Variants in BBX observed in about 807,000 individuals in gnomAD.
BBX encodes BBX high mobility group box domain containing.
Under a neutral mutation model 100.2 loss-of-function variants are expected in BBX, and 30 were observed. The ratio of observed to expected loss-of-function variants is 0.30; its 90% confidence interval spans 0.22 to 0.41. The LOEUF is 0.41. BBX is among the 10% of genes least tolerant of loss of function. The pLI, the probability that BBX is intolerant of heterozygous loss-of-function variation, is 1.00. For synonymous variants in BBX, 376 were observed against 388.1 expected, an observed-to-expected ratio of 0.97 and a Z score of 0.37; for missense variants, 1,023 against 1,129.8, an observed-to-expected ratio of 0.91 and a Z score of 1.35.
chr3:107,704,275 T>TTA (rs2061258734), intron 3 of BBX, among the ~76,000 whole-genome samples: 1 of 152,204 alleles, frequency 6.6e-6, no homozygotes, highest in African/African-American at 2.4e-5. Context: ...TCATATGTGG[T>TTA]TAAGTGTTAG....
chr3:107,654,256 A>G lies in BBX; in HGVS notation c.-10+8347A>G, dbSNP rs566014541. 4.5e-4 allele frequency among the ~76,000 whole-genome samples: 68 copies of G among 152,262 alleles called. 1 individual carries two copies. The highest frequency in any genetic ancestry group is 1.3e-3 in the African/African-American group (56 of 41,556). On this transcript the variant is annotated intron_variant, in intron 3 of 17. Transcript: ENST00000325805. ...ATAAATCATAAAGTTTTCAGGTTTG[A>G]AAGTTTAGTTCCTGTTAAAATGCTG...
intron 2 of BBX, among the ~76,000 whole-genome samples, chr3:107,587,410 T>G (rs916639333): frequency 3.9e-5 from 6 of 152,118 alleles, no homozygotes; most frequent in Non-Finnish European, 7.3e-5. Context: ...AGTTACATAT[T>G]GGAATGATTT....
rs1323116298 is a variant in BBX at position 107,748,027 on chromosome 3, T to A, written c.813T>A (p.Phe271Leu). ...AGCAGTGTCAAACATCTGCCTTGTT[T>A]CAGTTTGCAGAGGTATGGCCTTTTT... ...STKQCQTSAL[F>L]QFAEISSNTS... Residue 271 changes from phenylalanine (F) to leucine (L), a missense_variant, in exon 9 of 18, where the codon TTT becomes TTA. By Grantham distance (22) the Phe-to-Leu change is conservative. Around this residue, in one of 9 missense-constraint regions of BBX, gnomAD observed 95 missense variants for 95.1 expected, o/e 1.00. Transcript: ENST00000325805. 2 of 1,613,430 alleles carry A rather than the reference T, an allele frequency of 1.2e-6. No homozygotes were observed. Among genetic ancestry groups the A allele is most frequent in the African/African-American group, 2.7e-5 (2 of 74,918 alleles).
intron 2 of BBX, among the ~76,000 whole-genome samples, chr3:107,560,611 C>A (rs1465659989): frequency 6.6e-6 from 1 of 152,148 alleles, no homozygotes; most frequent in Non-Finnish European, 1.5e-5. Context: ...CTGAATCCAG[C>A]TGTTTGTGGT....
chr3:107,543,245 G>C (rs2048989651), intron 2 of BBX, among the ~76,000 whole-genome samples: 1 of 152,174 alleles, frequency 6.6e-6, no homozygotes, highest in South Asian at 2.1e-4. Context: ...GGAAGGCCTA[G>C]ATTAAGAAAC....
chr3:107,617,537 C>A (rs2055388476), intron 2 of BBX, among the ~76,000 whole-genome samples: 2 of 151,996 alleles, frequency 1.3e-5, no homozygotes, highest in Non-Finnish European at 2.9e-5. Flanking sequence ...ACTGAGATCT[C>A]CCTTGATTTT....
chr3:107,769,231 CAGATAGATAGGAT>C (rs1373748075), intron 10 of BBX, among the ~76,000 whole-genome samples: 143 of 98,482 alleles, frequency 1.5e-3, no homozygotes, highest in African/African-American at 4.8e-3. Flanking sequence ...GATAGATAGA[CAGATAGATAGGAT>C]AGATAGATAA....
intron 13 of BBX, among the ~76,000 whole-genome samples, chr3:107,785,652 A>G (rs538844041): frequency 9.9e-5 from 15 of 152,160 alleles, no homozygotes; most frequent in African/African-American, 3.6e-4. Context: ...AAATTACTCA[A>G]CAAACTAGAG....
intron 2 of BBX, among the ~76,000 whole-genome samples, chr3:107,638,255 A>G (rs2056969876): frequency 6.6e-6 from 1 of 151,868 alleles, no homozygotes; most frequent in Non-Finnish European, 1.5e-5. Flanking sequence ...TCTTCTCAGT[A>G]TGTTGCCCAG....
At chr3:107,789,531 C>T (rs1047103305) in intron 13 of BBX, among the ~76,000 whole-genome samples, 1 of 152,170 alleles carries the variant, frequency 6.6e-6, no homozygotes. Flanking sequence ...ACTGTATCTG[C>T]AGTTTCTGCT....
At chr3:107,694,830 T>C (rs1310047363) in intron 3 of BBX, among the ~76,000 whole-genome samples, 3 of 151,862 alleles carry the variant, frequency 2.0e-5, no homozygotes, top group African/African-American at 4.9e-5. Context: ...GGTCCTGGAC[T>C]CTTTTTGGTT....
intron 4 of BBX, among the ~76,000 whole-genome samples, chr3:107,715,728 C>CT (rs1268197856): frequency 1.3e-5 from 2 of 152,228 alleles, no homozygotes; most frequent in African/African-American, 4.8e-5. Context: ...AACGGGAAGA[C>CT]TAGGCGTAGG....
chr3:107,736,323 A>T (rs912468579), intron 7 of BBX, among the ~76,000 whole-genome samples: 7 of 152,124 alleles, frequency 4.6e-5, no homozygotes, highest in Non-Finnish European at 1.0e-4. Flanking sequence ...TTTAATCAGT[A>T]AAATGTAAGT....
chr3:107,701,420 T>C (rs888412943), intron 3 of BBX, among the ~76,000 whole-genome samples: 4 of 152,136 alleles, frequency 2.6e-5, no homozygotes, highest in Non-Finnish European at 4.4e-5. Context: ...TCGCCTAGAG[T>C]TGTATTAAGG....
chr3:107,778,261 A>G, intron 12 of BBX, 110 bp from the exon 13 acceptor site: 2 of 1,336,760 alleles, frequency 1.5e-6, no homozygotes, highest in Admixed American at 2.0e-5. Context: ...TTACTTACCT[A>G]ATTCCCAGAG....
At chr3:107,589,800 A>G (rs904589279) in intron 2 of BBX, among the ~76,000 whole-genome samples, 3 of 152,236 alleles carry the variant, frequency 2.0e-5, no homozygotes, top group African/African-American at 7.2e-5. Flanking sequence ...TCTTAATCAC[A>G]GAAAAGTCAC....
intron 3 of BBX, among the ~76,000 whole-genome samples, chr3:107,708,953 A>G (rs1433831314): frequency 2.0e-5 from 3 of 152,190 alleles, no homozygotes; most frequent in East Asian, 1.9e-4. Flanking sequence ...GTAGAATGAT[A>G]TAGTCCCTAA....
chr3:107,714,535 T>C (rs1195023675), intron 4 of BBX, among the ~76,000 whole-genome samples: 5 of 152,228 alleles, frequency 3.3e-5, no homozygotes, highest in African/African-American at 1.2e-4. Context: ...CTTCATCTTA[T>C]ATATTAATAG....
chr3:107,626,898 G>T (rs533451194), intron 2 of BBX, among the ~76,000 whole-genome samples: 1 of 151,900 alleles, frequency 6.6e-6, no homozygotes, highest in Admixed American at 6.6e-5. Context: ...CAAGTGATCC[G>T]CCCGTCTTGG....
Sources: allele counts gnomAD v4.1 joint callset (sites outside exome capture counted in the v4.1 genomes callset), GRCh38; gene constraint gnomAD v4.1.1; regional missense constraint gnomAD v4.1.1; transcripts MANE v1.5; gene names NCBI Gene and HGNC (gene_info 2026-07-23, HGNC 2026-07-21).